AFG1L: variants seen among roughly 807,000 people sequenced by gnomAD.
The protein encoded by AFG1L is AFG1 like ATPase.
A neutral mutation model predicts 62.2 loss-of-function variants in AFG1L; 53 were observed. The observed-to-expected ratio is 0.85, with a 90% CI of 0.68 to 1.07. The LOEUF (loss-of-function observed/expected upper bound fraction) is 1.07. Ranked by LOEUF, AFG1L falls within the 50% of genes least tolerant of loss-of-function variation. The pLI is 0.00. For synonymous variants in AFG1L, 228 were observed against 210.3 expected, an observed-to-expected ratio of 1.08 and a Z score of -0.73; for missense variants, 555 against 590.5, an observed-to-expected ratio of 0.94 and a Z score of 0.62.
chr6:108,416,467 A>G (rs1770281850), intron 7 of AFG1L, among the ~76,000 whole-genome samples: 1 of 152,260 alleles, frequency 6.6e-6, no homozygotes, highest in Admixed American at 6.5e-5. Flanking sequence ...ATAAAGACAC[A>G]TGCACACATA....
At chr6:108,509,134 A>G (rs1313318601) in intron 10 of AFG1L, among the ~76,000 whole-genome samples, 2 of 152,184 alleles carry the variant, frequency 1.3e-5, no homozygotes, top group Non-Finnish European at 2.9e-5. Flanking sequence ...ATTTCCTGGG[A>G]GTGTTCCTAA....
At chr6:108,392,346 A>G (rs1781094557) in intron 6 of AFG1L, among the ~76,000 whole-genome samples, 1 of 152,198 alleles carries the variant, frequency 6.6e-6, no homozygotes, top group Non-Finnish European at 1.5e-5. Context: ...AATATTGTAT[A>G]AAATTACTTT....
intron 11 of AFG1L, among the ~76,000 whole-genome samples, chr6:108,516,477 A>T (rs1230044668): frequency 2.0e-5 from 3 of 152,172 alleles, no homozygotes; most frequent in African/African-American, 7.2e-5. Context: ...ACTCTCAATA[A>T]ATTAGGTATT....
chr6:108,519,780 A>G lies in AFG1L; in HGVS notation c.1287A>G (p.Arg429=). 4 of 1,612,798 alleles carry G rather than the reference A, an allele frequency of 2.5e-6. No homozygotes were observed. The highest frequency in any genetic ancestry group is 3.4e-6 in the Non-Finnish European group (4 of 1,179,374). The part of the protein sequence containing the change: ...QHHDSELEQS[R]ILMDDLGLSQ... ...ATGACAGTGAGTTGGAGCAAAGCAG[A>G]ATACTGATGGATGATTTGGGGCTGA... is the stretch of plus-strand genomic sequence containing the variant. Residue 429 remains arginine, a synonymous_variant, in exon 12 of 13, where the codon AGA becomes AGG. Transcript: ENST00000368977.
chr6:108,318,622 A>T (rs905045724), intron 1 of AFG1L, among the ~76,000 whole-genome samples: 1 of 152,240 alleles, frequency 6.6e-6, no homozygotes, highest in Non-Finnish European at 1.5e-5. Flanking sequence ...TATTGATTAA[A>T]TCTTTTAGAA....
intron 1 of AFG1L, among the ~76,000 whole-genome samples, chr6:108,297,724 G>A (rs908513813): frequency 6.6e-6 from 1 of 151,674 alleles, no homozygotes; most frequent in Non-Finnish European, 1.5e-5. Context: ...GTGTGGTGGT[G>A]CACGCCTGTA....
intron 6 of AFG1L, among the ~76,000 whole-genome samples, chr6:108,379,011 T>TC (rs1171334964): frequency 6.8e-6 from 1 of 147,786 alleles, no homozygotes; most frequent in Admixed American, 6.7e-5. Flanking sequence ...TTTTTTTTTT[T>TC]TTTTTTTTTG....
At chr6:108,321,213 C>T (rs1317606298) in intron 1 of AFG1L, among the ~76,000 whole-genome samples, 1 of 152,150 alleles carries the variant, frequency 6.6e-6, no homozygotes, top group East Asian at 1.9e-4. Context: ...GCCTTCCTCC[C>T]CTTTAGATTT....
At chr6:108,332,661 G>C (rs370817994) in intron 2 of AFG1L, among the ~76,000 whole-genome samples, 1 of 152,104 alleles carries the variant, frequency 6.6e-6, no homozygotes. Flanking sequence ...TGTTGCCCAG[G>C]CTGGAGTGCA....
At chr6:108,333,499 A>G (rs1030190345) in intron 2 of AFG1L, among the ~76,000 whole-genome samples, 1 of 152,104 alleles carries the variant, frequency 6.6e-6, no homozygotes, top group Non-Finnish European at 1.5e-5. Flanking sequence ...TCTCAACACT[A>G]TGAGAGGCTG....
At chr6:108,441,327 C>A (rs1365157983) in intron 7 of AFG1L, among the ~76,000 whole-genome samples, 1 of 152,126 alleles carries the variant, frequency 6.6e-6, no homozygotes, top group East Asian at 1.9e-4. Context: ...TCTTTCCAAA[C>A]TCAAAGGCCT....
rs138403792 is a variant in AFG1L, at chr6:108,501,366, T to C, written c.1063-8846T>C. Among the ~76,000 whole-genome samples, 907 of 152,336 alleles carry C rather than the reference T, an allele frequency of 6.0e-3. 27 individuals carry two copies. The highest frequency in any genetic ancestry group is 0.051 in the Admixed American group (782 of 15,296). ...TCATACAAGGAGACATTAAGAAGTT[T>C]TGTATTTTCAGTAATGGTTGACTCT... On this transcript the variant is annotated intron_variant, in intron 10 of 12. Transcript: ENST00000368977.
chr6:108,317,540 G>A (rs887924563), intron 1 of AFG1L, among the ~76,000 whole-genome samples: 1 of 152,166 alleles, frequency 6.6e-6, no homozygotes. Context: ...ATTTGTAGAA[G>A]CAGTTGGAGA....
intron 8 of AFG1L, among the ~76,000 whole-genome samples, chr6:108,475,712 T>C (rs1272187238): frequency 6.6e-6 from 1 of 152,200 alleles, no homozygotes; most frequent in Non-Finnish European, 1.5e-5. Context: ...TTACTTGGAA[T>C]GTGACAATTT....
At chr6:108,343,989 A>C (rs1262595507) in intron 2 of AFG1L, among the ~76,000 whole-genome samples, 1 of 152,216 alleles carries the variant, frequency 6.6e-6, no homozygotes, top group African/African-American at 2.4e-5. Context: ...TAAATTATAA[A>C]ACAAAAACAG....
At chr6:108,474,632 C>A (rs915160800) in intron 8 of AFG1L, among the ~76,000 whole-genome samples, 2 of 152,152 alleles carry the variant, frequency 1.3e-5, no homozygotes, top group Non-Finnish European at 2.9e-5. Flanking sequence ...TCCCTAATGA[C>A]CAGTGGTGTT....
intron 10 of AFG1L, among the ~76,000 whole-genome samples, chr6:108,496,641 T>C (rs1002972386): frequency 2.0e-5 from 3 of 152,228 alleles, no homozygotes; most frequent in Non-Finnish European, 4.4e-5. Flanking sequence ...AATAAAAATC[T>C]TTAATGTTGT....
chr6:108,393,004 T>G (rs1339499877), intron 6 of AFG1L, among the ~76,000 whole-genome samples: 1 of 152,122 alleles, frequency 6.6e-6, no homozygotes, highest in East Asian at 1.9e-4. Context: ...GTTTCATCTG[T>G]AGGTATTATA....
At chr6:108,439,744 G>A (rs2114732219) in intron 7 of AFG1L, among the ~76,000 whole-genome samples, 1 of 152,260 alleles carries the variant, frequency 6.6e-6, no homozygotes, top group East Asian at 1.9e-4. Context: ...AGCAGCTTAT[G>A]TATTGAATTT....
Sources: gnomAD v4.1 joint callset for allele counts (sites outside exome capture counted in the v4.1 genomes callset) on GRCh38, gnomAD v4.1.1 for gene constraint, MANE v1.5 for transcripts, NCBI Gene and HGNC (gene_info 2026-07-23, HGNC 2026-07-21) for gene names.